Variants in COL26A1 observed in about 807,000 individuals in gnomAD.
COL26A1 encodes collagen alpha-1(XXVI) chain.
A neutral mutation model predicts 59.3 loss-of-function variants in COL26A1; 41 were observed. The ratio of observed to expected loss-of-function variants is 0.69; its 90% CI spans 0.54 to 0.90. The LOEUF is 0.90. Ranked by LOEUF, COL26A1 falls within the 40% of genes least tolerant of loss-of-function variation. COL26A1 has a pLI of 0.00. For synonymous variants in COL26A1, 266 were observed against 256.0 expected (o/e 1.04, Z -0.37); for missense variants, 612 against 602.3 (o/e 1.02, Z -0.17).
At chr7:101,527,285 A>C (rs1272739325) in intron 3 of COL26A1, among the ~76,000 whole-genome samples, 1 of 148,938 alleles carries the variant, frequency 6.7e-6, no homozygotes, top group East Asian at 2.0e-4. Context: ...CTCTCTCTCT[A>C]TGTCTCTGTC....
chr7:101,362,878 C>T lies in COL26A1; in HGVS notation c.-155C>T. On this transcript the variant is annotated 5_prime_UTR_variant, in exon 1 of 13. Coordinates refer to ENST00000313669, the MANE Select transcript of COL26A1 (RefSeq NM_001278563.3). ...GCGGCCCCGGAGAGGCGTGGGCGCC[C>T]CCCACACATTTCCAGCTCGCACCCG... 1.4e-6 allele frequency: 1 copy of T among 701,264 alleles called. No individual in the cohort carries two copies. The highest frequency in any genetic ancestry group is 2.2e-6 in the Non-Finnish European group (1 of 451,650). 43.4% of individuals were successfully genotyped at this position (701,264 alleles called of 1,614,324 possible).
chr7:101,446,349 C>T (rs1215272192), intron 2 of COL26A1, among the ~76,000 whole-genome samples: 1 of 152,158 alleles, frequency 6.6e-6, no homozygotes, highest in African/African-American at 2.4e-5. Context: ...TGTTTACCTC[C>T]CTCTTAGAGA....
At chr7:101,485,779 G>A (rs1027016915) in intron 3 of COL26A1, among the ~76,000 whole-genome samples, 42 of 152,162 alleles carry the variant, frequency 2.8e-4, no homozygotes, top group Non-Finnish European at 3.7e-4. Context: ...GTGGGAGGCA[G>A]AGGGCTGAGA....
In COL26A1 at chr7:101,540,124, A is replaced by G. The variant is rs905249133; in HGVS notation, c.604+75A>G. ...GGGCATGGCCTCCCAGGGCCTCCCT[A>G]GAGAGGCCACACACTAGACACTCTA... On this transcript the variant is annotated intron_variant, in intron 5 of 12. Transcript: ENST00000313669. 10 of 1,450,112 alleles carry G rather than the reference A, an allele frequency of 6.9e-6. No homozygotes were observed. In the African/African-American group the frequency reaches 1.3e-4, roughly 18 times the overall value. 89.8% of individuals were successfully genotyped at this position (1,450,112 alleles called of 1,614,324 possible). A position where few individuals can be genotyped will look rare whatever the true frequency, so the allele number is the denominator to read the frequency against.
chr7:101,470,436 C>T (rs548511311), intron 3 of COL26A1, among the ~76,000 whole-genome samples: 2 of 151,974 alleles, frequency 1.3e-5, no homozygotes, highest in East Asian at 3.9e-4. Flanking sequence ...GGCATTCACC[C>T]CTGCAAGCTT....
At chr7:101,367,580 G>A (rs892492973) in intron 1 of COL26A1, among the ~76,000 whole-genome samples, 10 of 151,362 alleles carry the variant, frequency 6.6e-5, no homozygotes, top group African/African-American at 9.7e-5. Flanking sequence ...CACTAAAATC[G>A]CTTAAGCCCG....
At chr7:101,549,138 G>T in intron 8 of COL26A1, 33 bp from the exon 9 acceptor site, 1 of 1,432,230 alleles carries the variant, frequency 7.0e-7, no homozygotes, top group South Asian at 1.3e-5. Context: ...CCCCTCTCTG[G>T]CCCCAGGTGA....
Position 101,434,184 on chromosome 7 carries a change from T to C in COL26A1, c.282-13500T>C, listed in dbSNP as rs962021049. On this transcript the variant is annotated intron_variant, in intron 2 of 12. Transcript: ENST00000313669. ...TCTTTCTCTCCCCTTCCTTCCTTCC[T>C]TCTCTCTCTCTCTCTCTCCCGCCCC... Among the ~76,000 whole-genome samples the C allele has an allele frequency of 2.2e-4, 23 of 102,902 alleles. 1 individual carries two copies. The East Asian group carries it at 3.0e-3, about 13-fold the overall frequency. 67.5% of individuals were successfully genotyped at this position (102,902 alleles called of 152,430 possible). A position where few individuals can be genotyped will look rare whatever the true frequency, so the allele number is the denominator to read the frequency against.
At chr7:101,452,360 C>T (rs1156856807) in intron 3 of COL26A1, among the ~76,000 whole-genome samples, 1 of 152,214 alleles carries the variant, frequency 6.6e-6, no homozygotes, top group East Asian at 1.9e-4. Context: ...ATAGAGGAGG[C>T]AGAAGTGAAG....
intron 1 of COL26A1, among the ~76,000 whole-genome samples, chr7:101,412,154 T>C (rs1018082117): frequency 1.2e-4 from 19 of 152,136 alleles, no homozygotes; most frequent in African/African-American, 4.6e-4. Flanking sequence ...CCAGACCAAA[T>C]TGAGGACTAG....
intron 4 of COL26A1, 95 bp from the exon 5 acceptor site, chr7:101,539,798 G>T (rs1795568487): frequency 3.8e-5 from 48 of 1,276,492 alleles, no homozygotes; most frequent in South Asian, 3.0e-4. Flanking sequence ...ACAGCTGCAG[G>T]TCTCATGGGG....
chr7:101,392,648 C>A (rs979238193), intron 1 of COL26A1, among the ~76,000 whole-genome samples: 2 of 152,002 alleles, frequency 1.3e-5, no homozygotes, highest in African/African-American at 4.8e-5. Context: ...GTGATCCACC[C>A]GCCTCAGCCT....
At chr7:101,419,238 C>G (rs1359529286) in intron 1 of COL26A1, among the ~76,000 whole-genome samples, 1 of 151,888 alleles carries the variant, frequency 6.6e-6, no homozygotes, top group African/African-American at 2.4e-5. Flanking sequence ...TCCTGAGTAG[C>G]TGGGACTACA....
intron 2 of COL26A1, among the ~76,000 whole-genome samples, chr7:101,444,491 C>A (rs1474901439): frequency 6.6e-6 from 1 of 151,426 alleles, no homozygotes; most frequent in African/African-American, 2.4e-5. Flanking sequence ...TCTCCACTCA[C>A]CGCAACTCCG....
intron 3 of COL26A1, among the ~76,000 whole-genome samples, chr7:101,455,047 T>C (rs1159659709): frequency 6.7e-6 from 1 of 149,220 alleles, no homozygotes; most frequent in Non-Finnish European, 1.5e-5. Flanking sequence ...TTATCTTTTT[T>C]TTTTTTTTTT....
chr7:101,523,406 A>G (rs865814818), intron 3 of COL26A1, among the ~76,000 whole-genome samples: 5 of 152,070 alleles, frequency 3.3e-5, no homozygotes, highest in Non-Finnish European at 7.4e-5. Flanking sequence ...TACTTTATCA[A>G]TTTTTTTAAA....
chr7:101,422,102 G>A (rs1166495834), intron 2 of COL26A1, among the ~76,000 whole-genome samples: 3 of 152,014 alleles, frequency 2.0e-5, no homozygotes, highest in South Asian at 4.2e-4. Flanking sequence ...ACCTGAGGTC[G>A]GGAGTTCGAG....
At chr7:101,490,452 A>C (rs968091822) in intron 3 of COL26A1, among the ~76,000 whole-genome samples, 1 of 151,014 alleles carries the variant, frequency 6.6e-6, no homozygotes, top group Non-Finnish European at 1.5e-5. Context: ...CTGTAATCCC[A>C]GCACTTTGGG....
At chr7:101,504,764 G>A (rs896852057) in intron 3 of COL26A1, among the ~76,000 whole-genome samples, 6 of 152,180 alleles carry the variant, frequency 3.9e-5, no homozygotes, top group Admixed American at 3.9e-4. Flanking sequence ...CACCGTCACC[G>A]GCCATGAAAG....
Sources: allele counts gnomAD v4.1 joint callset (sites outside exome capture counted in the v4.1 genomes callset), GRCh38; gene constraint gnomAD v4.1.1; transcripts MANE v1.5; gene names NCBI Gene and HGNC (gene_info 2026-07-23, HGNC 2026-07-21).